The following TUSC3 variants were observed in gnomAD, a reference collection of about 807,000 sequenced individuals.
TUSC3 encodes dolichyl-diphosphooligosaccharide--protein glycosyltransferase subunit TUSC3.
Under a neutral mutation model 44.8 loss-of-function variants are expected in TUSC3, and 45 were observed. The ratio of observed to expected loss-of-function variants is 1.00; its 90% CI spans 0.79 to 1.29. TUSC3 has a LOEUF of 1.29. Ranked by LOEUF, TUSC3 falls within the 50% of genes most tolerant of loss-of-function variation. The pLI is 0.00. For synonymous variants in TUSC3, 212 were observed against 152.9 expected, an observed-to-expected ratio of 1.39 and a Z score of -2.85; for missense variants, 519 against 437.9, an observed-to-expected ratio of 1.19 and a Z score of -1.65.
At chr8:15,694,311 G>A (rs566993254) in intron 6 of TUSC3, among the ~76,000 whole-genome samples, 21 of 151,934 alleles carry the variant, frequency 1.4e-4, no homozygotes, top group Admixed American at 2.6e-4. Flanking sequence ...GCATGGTGGC[G>A]TGCGCCGTTA....
chr8:15,722,531 A>T (rs1041969489), intron 6 of TUSC3, among the ~76,000 whole-genome samples: 1 of 152,084 alleles, frequency 6.6e-6, no homozygotes, highest in Non-Finnish European at 1.5e-5. Context: ...CATGCCTCTT[A>T]TAGTATTCTA....
chr8:15,583,588 G>A (rs1803470546), intron 1 of TUSC3, among the ~76,000 whole-genome samples: 1 of 152,180 alleles, frequency 6.6e-6, no homozygotes, highest in African/African-American at 2.4e-5. Flanking sequence ...TGCATTCAAT[G>A]TAAGAAAGAA....
At chr8:15,598,967 A>AT (rs781481451) in intron 1 of TUSC3, among the ~76,000 whole-genome samples, 5 of 151,750 alleles carry the variant, frequency 3.3e-5, no homozygotes, top group Admixed American at 2.0e-4. Context: ...CAAGGAATGC[A>AT]TTTGCTGGAT....
intron 3 of TUSC3, among the ~76,000 whole-genome samples, chr8:15,657,958 G>C (rs1807248480): frequency 6.6e-6 from 1 of 152,188 alleles, no homozygotes; most frequent in Non-Finnish European, 1.5e-5. Context: ...TGAGGGGACA[G>C]TGTGAGAGAG....
chr8:15,692,539 G>T (rs996584941), intron 6 of TUSC3, among the ~76,000 whole-genome samples: 1 of 151,658 alleles, frequency 6.6e-6, no homozygotes, highest in African/African-American at 2.4e-5. Context: ...TTATTGGTCA[G>T]TTCAGGGATT....
chr8:15,650,585 C>G, intron 2 of TUSC3, 112 bp from the exon 3 acceptor site: 1 of 768,548 alleles, frequency 1.3e-6, no homozygotes, highest in South Asian at 1.7e-5. Flanking sequence ...GCTTTTCTTA[C>G]AGTCTGTACA....
chr8:15,712,388 A>G (rs1200628956), intron 6 of TUSC3, among the ~76,000 whole-genome samples: 1 of 151,994 alleles, frequency 6.6e-6, no homozygotes, highest in African/African-American at 2.4e-5. Flanking sequence ...ACTATTTGAA[A>G]CCTCATGAAA....
chr8:15,748,283 T>A, intron 8 of TUSC3, 92 bp from the exon 9 acceptor site: 1 of 940,312 alleles, frequency 1.1e-6, no homozygotes. Context: ...TAAATGTAAG[T>A]ATACTGTAAT....
At chr8:15,729,440 GA>G (rs1366290853) in intron 6 of TUSC3, among the ~76,000 whole-genome samples, 2 of 152,084 alleles carry the variant, frequency 1.3e-5, no homozygotes, top group Non-Finnish European at 2.9e-5. Flanking sequence ...TCATTTGGAA[GA>G]TGACAGGTAA....
the TUSC3 span, chr8:15,806,095 G>C: frequency 5.6e-6 from 2 of 360,076 alleles, no homozygotes; most frequent in South Asian, 5.4e-5. Flanking sequence ...ACAAAGCTGA[G>C]CTGTACTCAG....
At chr8:15,851,077 C>G in the TUSC3 span, among the ~76,000 whole-genome samples, 1 of 152,250 alleles carries the variant, frequency 6.6e-6, no homozygotes, top group South Asian at 2.1e-4. Flanking sequence ...ATGGACGACG[C>G]GACGCTTTTC....
intron 2 of TUSC3, among the ~76,000 whole-genome samples, chr8:15,520,718 G>A (rs767349432): frequency 1.2e-4 from 19 of 152,034 alleles, no homozygotes; most frequent in South Asian, 2.1e-4. Context: ...ATGCAATTCC[G>A]TTCTCCACCT....
At chr8:15,722,603 T>G (rs567154242) in intron 6 of TUSC3, among the ~76,000 whole-genome samples, 1 of 152,222 alleles carries the variant, frequency 6.6e-6, no homozygotes, top group East Asian at 1.9e-4. Context: ...CTATGTCGTT[T>G]GTTATGTGGT....
chr8:15,561,905 G>A (rs1802487087), intron 1 of TUSC3, among the ~76,000 whole-genome samples: 1 of 152,160 alleles, frequency 6.6e-6, no homozygotes, highest in Non-Finnish European at 1.5e-5. Flanking sequence ...CCCACTGTCT[G>A]GCACTCCCTA....
chr8:15,740,342 G>A (rs1811135743), intron 7 of TUSC3, among the ~76,000 whole-genome samples: 1 of 151,984 alleles, frequency 6.6e-6, no homozygotes, highest in African/African-American at 2.4e-5. Context: ...ACTCATAAAG[G>A]AAAAGATGCA....
At chr8:15,791,907 C>T in the TUSC3 span, among the ~76,000 whole-genome samples, 36,977 of 152,024 alleles carry the variant, frequency 0.24, 5,559 homozygotes, top group Non-Finnish European at 0.32. Flanking sequence ...CCTGCATCAT[C>T]TCTCTTCCAG....
intron 5 of TUSC3, among the ~76,000 whole-genome samples, chr8:15,671,642 A>G (rs150975876): frequency 8.5e-4 from 130 of 152,138 alleles, no homozygotes; most frequent in Non-Finnish European, 1.6e-3. Flanking sequence ...ATTATGTATT[A>G]AGATGATTTT....
At chr8:15,640,231 C>G (rs984922585) in intron 2 of TUSC3, among the ~76,000 whole-genome samples, 7 of 152,210 alleles carry the variant, frequency 4.6e-5, no homozygotes, top group African/African-American at 1.4e-4. Context: ...TGTAATGAAC[C>G]TCCCTGGTAG....
chr8:15,533,974 G>T (rs372113185), intron 2 of TUSC3, among the ~76,000 whole-genome samples: 2 of 152,116 alleles, frequency 1.3e-5, no homozygotes, highest in Non-Finnish European at 2.9e-5. Flanking sequence ...TAGCCATTAC[G>T]CAGATGGCCT....
Sources: allele counts gnomAD v4.1 joint callset (sites outside exome capture counted in the v4.1 genomes callset), GRCh38; gene constraint gnomAD v4.1.1; transcripts MANE v1.5; gene names NCBI Gene and HGNC (gene_info 2026-07-23, HGNC 2026-07-21).